The following COL23A1 variants were observed in gnomAD, a reference collection of about 807,000 sequenced individuals.
COL23A1 encodes the protein collagen type XXIII alpha 1 chain, also known as collagen alpha-1(XXIII) chain.
In COL23A1, 97 loss-of-function variants were observed where a neutral mutation model predicts 99.3. The ratio of observed to expected loss-of-function variants is 0.98; its 90% CI spans 0.83 to 1.16. The LOEUF (loss-of-function observed/expected upper bound fraction) is 1.16, where lower values mean the gene tolerates loss of function less well. Among genes scored for constraint, COL23A1 ranks in the 50% most tolerant of loss-of-function variants. COL23A1 has a pLI of 0.00. For missense variants in COL23A1, 762 were observed against 757.4 expected (o/e 1.01, Z -0.07); for synonymous variants, 320 against 308.2 (o/e 1.04, Z -0.40).
At chr5:178,548,767 T>C (rs1191661987) in intron 2 of COL23A1, among the ~76,000 whole-genome samples, 1 of 152,202 alleles carries the variant, frequency 6.6e-6, no homozygotes, top group Non-Finnish European at 1.5e-5. Context: ...TTTCATTTTG[T>C]CACTTATTTT....
At chr5:178,463,416 T>A (rs1230374271) in intron 2 of COL23A1, among the ~76,000 whole-genome samples, 1 of 152,188 alleles carries the variant, frequency 6.6e-6, no homozygotes, top group Admixed American at 6.5e-5. Context: ...GGAGTGAAAC[T>A]GTTACCGGGT....
At chr5:178,325,651 A>G (rs939213257) in intron 2 of COL23A1, among the ~76,000 whole-genome samples, 1 of 152,154 alleles carries the variant, frequency 6.6e-6, no homozygotes. Context: ...CATCAGTCCC[A>G]TTGCCAGACC....
chr5:178,381,197 G>A (rs111339727), intron 2 of COL23A1, among the ~76,000 whole-genome samples: 4 of 152,340 alleles, frequency 2.6e-5, no homozygotes, highest in African/African-American at 9.6e-5. Flanking sequence ...CAAATAATTA[G>A]GGGGTGGCTT....
chr5:178,414,988 C>T (rs1046523559), intron 2 of COL23A1, among the ~76,000 whole-genome samples: 1 of 152,064 alleles, frequency 6.6e-6, no homozygotes, highest in African/African-American at 2.4e-5. Flanking sequence ...AAAGGAGAGC[C>T]AGAAATGGCA....
chr5:178,558,820 G>T (rs933043032), intron 2 of COL23A1, among the ~76,000 whole-genome samples: 3 of 148,154 alleles, frequency 2.0e-5, no homozygotes, highest in Non-Finnish European at 3.0e-5. Flanking sequence ...ATGGAGTCTC[G>T]CTCTGTCACC....
intron 2 of COL23A1, among the ~76,000 whole-genome samples, chr5:178,373,780 C>A (rs1447087966): frequency 1.3e-5 from 2 of 152,200 alleles, no homozygotes; most frequent in Non-Finnish European, 2.9e-5. Flanking sequence ...ATAATCCTGA[C>A]ATGCTGCTCA....
At chr5:178,460,042 C>A (rs1178260356) in intron 2 of COL23A1, among the ~76,000 whole-genome samples, 2 of 152,006 alleles carry the variant, frequency 1.3e-5, no homozygotes, top group Admixed American at 6.5e-5. Context: ...TATGTGTATG[C>A]CTTAGTTTAT....
chr5:178,561,176 C>T lies in COL23A1; in HGVS notation c.295-428G>A, dbSNP rs1209561221. Among the ~76,000 whole-genome samples, 4 of 152,320 alleles carry T rather than the reference C, an allele frequency of 2.6e-5. No individual in the cohort carries two copies. In the East Asian group the frequency reaches 5.8e-4, roughly 22 times the overall value. ...CTCACAAGGCCACCCCGTCCACACC[C>T]GGGAAGTCCCAAAACCCCATGGCTG... On this transcript the variant is annotated intron_variant, in intron 1 of 28. Coordinates refer to ENST00000390654, the MANE Select transcript of COL23A1 (RefSeq NM_173465.4).
chr5:178,493,988 C>T (rs1029211213), intron 2 of COL23A1, among the ~76,000 whole-genome samples: 2 of 140,278 alleles, frequency 1.4e-5, no homozygotes, highest in Non-Finnish European at 3.3e-5. Flanking sequence ...AATGTAGCTG[C>T]CACTACTTAA....
chr5:178,254,878 A>T (rs1765221398), intron 16 of COL23A1, 71 bp downstream of exon 16: 4 of 1,355,364 alleles, frequency 3.0e-6, no homozygotes, highest in Non-Finnish European at 2.1e-6. Flanking sequence ...AGGATTAATC[A>T]CAAAGGGAGT....
At chr5:178,445,990 G>C (rs1458560364) in intron 2 of COL23A1, among the ~76,000 whole-genome samples, 1 of 151,876 alleles carries the variant, frequency 6.6e-6, no homozygotes, top group Non-Finnish European at 1.5e-5. Flanking sequence ...CAAATAATTA[G>C]CAAAATAACT....
intron 2 of COL23A1, among the ~76,000 whole-genome samples, chr5:178,420,346 C>T (rs1256745514): frequency 6.6e-6 from 1 of 151,418 alleles, no homozygotes; most frequent in African/African-American, 2.4e-5. Context: ...CCTCCACTCC[C>T]TCCTCCCCTG....
At chr5:178,374,400 G>A (rs1357414082) in intron 2 of COL23A1, among the ~76,000 whole-genome samples, 2 of 152,140 alleles carry the variant, frequency 1.3e-5, no homozygotes, top group African/African-American at 4.8e-5. Context: ...TATCTCTGCT[G>A]CTGCCCTTAC....
intron 11 of COL23A1, among the ~76,000 whole-genome samples, chr5:178,260,300 T>G (rs1440219504): frequency 6.6e-6 from 1 of 152,198 alleles, no homozygotes; most frequent in Non-Finnish European, 1.5e-5. Flanking sequence ...AAACTGTGGC[T>G]TATCATTCAA....
At chr5:178,358,055 ATGTATGTGTATTGTG>A (rs772791723) in intron 2 of COL23A1, among the ~76,000 whole-genome samples, 29 of 91,646 alleles carry the variant, frequency 3.2e-4, no homozygotes, top group Non-Finnish European at 5.4e-4. Context: ...TGTATGTCTA[ATGTATGTGTATTGTG>A]TGTATGTGTA....
At chr5:178,548,474 C>T (rs906605403) in intron 2 of COL23A1, among the ~76,000 whole-genome samples, 1 of 152,042 alleles carries the variant, frequency 6.6e-6, no homozygotes, top group African/African-American at 2.4e-5. Flanking sequence ...CTTCCCTCTC[C>T]CTTGCTCCCC....
At chr5:178,412,353 G>T (rs1299233759) in intron 2 of COL23A1, among the ~76,000 whole-genome samples, 1 of 152,148 alleles carries the variant, frequency 6.6e-6, no homozygotes, top group Non-Finnish European at 1.5e-5. Context: ...TCCTCAAAAA[G>T]AACTAGAGGT....
At chr5:178,443,050 T>C (rs1207614851) in intron 2 of COL23A1, 1 of 152,258 alleles carries the variant, frequency 6.6e-6, no homozygotes, top group African/African-American at 2.4e-5. Context: ...GTGGTCCCAG[T>C]GGGGTCTCGC....
At chr5:178,578,927 A>C (rs895371178) in intron 1 of COL23A1, among the ~76,000 whole-genome samples, 2 of 152,158 alleles carry the variant, frequency 1.3e-5, no homozygotes, top group African/African-American at 2.4e-5. Context: ...TTCATGAATA[A>C]TTTTATTTTT....
Sources: allele counts gnomAD v4.1 joint callset (sites outside exome capture counted in the v4.1 genomes callset), GRCh38; gene constraint gnomAD v4.1.1; transcripts MANE v1.5; gene names NCBI Gene and HGNC (gene_info 2026-07-23, HGNC 2026-07-21).